Variants in MAK observed in about 807,000 individuals in gnomAD.
MAK encodes serine/threonine-protein kinase MAK.
MAK carries 65 observed loss-of-function variants against 82.6 expected under a neutral mutation model. The ratio of observed to expected loss-of-function variants is 0.79; its 90% confidence interval spans 0.64 to 0.97. The LOEUF (loss-of-function observed/expected upper bound fraction) is 0.97. MAK is among the 50% of genes least tolerant of loss of function. The probability of loss-of-function intolerance (pLI) is 0.00; values close to 1 mark genes in which losing one functional copy is unlikely to be tolerated. For synonymous variants in MAK, 250 were observed against 274.2 expected, an observed-to-expected ratio of 0.91 and a Z score of 0.87; for missense variants, 703 against 780.2, an observed-to-expected ratio of 0.90 and a Z score of 1.18.
At chr6:10,804,715 C>G (rs1776276203) in intron 6 of MAK, among the ~76,000 whole-genome samples, 1 of 152,126 alleles carries the variant, frequency 6.6e-6, no homozygotes, top group Non-Finnish European at 1.5e-5. Context: ...AACACAAAGT[C>G]TGCTAAATGG....
chr6:10,771,374 C>T (rs1275218169), intron 13 of MAK, among the ~76,000 whole-genome samples: 1 of 152,068 alleles, frequency 6.6e-6, no homozygotes, highest in Non-Finnish European at 1.5e-5. Context: ...GCAGAGAGCT[C>T]GGATAGGACC....
intron 2 of MAK, among the ~76,000 whole-genome samples, chr6:10,822,834 A>ATT: frequency 6.6e-6 from 1 of 152,334 alleles, no homozygotes; most frequent in East Asian, 1.9e-4. Context: ...CTTAATAGAT[A>ATT]TTTATTAACT....
At chr6:10,813,895 A>C (rs138691184) in intron 4 of MAK, among the ~76,000 whole-genome samples, 172 bp from the exon 5 acceptor site, 269 of 151,904 alleles carry the variant, frequency 1.8e-3, no homozygotes, top group African/African-American at 6.2e-3. Flanking sequence ...TGAAAATTAG[A>C]TTTTTTTTTG....
chr6:10,795,377 G>A (rs1775450913), intron 9 of MAK, among the ~76,000 whole-genome samples: 1 of 152,136 alleles, frequency 6.6e-6, no homozygotes, highest in Non-Finnish European at 1.5e-5. Flanking sequence ...GGGAGGTGGA[G>A]GTTGCAGTGA....
intron 2 of MAK, among the ~76,000 whole-genome samples, chr6:10,823,369 A>T (rs1483245142): frequency 1.3e-5 from 2 of 152,104 alleles, no homozygotes; most frequent in African/African-American, 4.8e-5. Context: ...CCCCACTCCC[A>T]GCCCCCGACA....
chr6:10,774,345 AAC>A lies in MAK; in HGVS notation c.1597+981_1597+982del, dbSNP rs998225361. Among the ~76,000 whole-genome samples the A allele has an allele frequency of 2.0e-5, 3 of 152,168 alleles. 1 individual carries two copies. Among genetic ancestry groups the A allele is most frequent in the Admixed American group, 6.5e-5 (1 of 15,270 alleles). On this transcript the variant is annotated intron_variant, in intron 12 of 14. Coordinates refer to ENST00000354489, the MANE Select transcript of MAK (RefSeq NM_001242957.3). ...AAACACGAAAATTAAGTTTTTTGCA[AAC>A]ACATCTCTTAATGAGAAAGGTGGGG...
chr6:10,787,137 C>T (rs371794655), intron 10 of MAK, among the ~76,000 whole-genome samples: 16 of 150,270 alleles, frequency 1.1e-4, no homozygotes, highest in African/African-American at 2.7e-4. Context: ...ACCTCCTATT[C>T]ACCACTCCGC....
At chr6:10,823,957 T>C (rs967733338) in intron 2 of MAK, among the ~76,000 whole-genome samples, 6 of 151,534 alleles carry the variant, frequency 4.0e-5, no homozygotes, top group African/African-American at 9.7e-5. Flanking sequence ...AAGCAAAAGA[T>C]TGATAGGATA....
At position 10,776,783 on chromosome 6, in the gene MAK, C is replaced by T. The variant is rs984164883; in HGVS notation, c.1466-1324G>A. 5.3e-5 allele frequency among the ~76,000 whole-genome samples: 8 copies of T among 152,124 alleles called. No homozygotes were observed. Among genetic ancestry groups the T allele is most frequent in the Non-Finnish European group, 7.3e-5 (5 of 68,028 alleles). ...CTTCCCTAATAAAACACCTACAAAT[C>T]GAACTATTATAGGCAACTACCAGCT... is the stretch of plus-strand genomic sequence containing the variant. On this transcript the variant is annotated intron_variant, in intron 11 of 14. Coordinates refer to ENST00000354489, the MANE Select transcript of MAK (RefSeq NM_001242957.3). This position sits in a 1 kb window ranked among gnomAD's most constrained non-coding sequence, Gnocchi z 4.3.
Position 10,803,732 on chromosome 6 carries a change from C to T in MAK, c.651G>A (p.Gly217=), listed in dbSNP as rs1362795681. Residue 217 remains glycine, a synonymous_variant, in exon 7 of 15, where the codon GGG becomes GGA. Transcript: ENST00000354489. ...DEIFKICQVL[G]TPKKSDWPEG... is the part of the protein sequence containing the mutation. ...CAAGAGTACTTACTTTTTTGGGAGT[C>T]CCTAAAACTTGGCAAATTTTAAAGA... 1.9e-6 allele frequency: 3 copies of T among 1,613,634 alleles called. No homozygotes were observed. The highest frequency in any genetic ancestry group is 2.5e-6 in the Non-Finnish European group (3 of 1,179,878).
intron 2 of MAK, among the ~76,000 whole-genome samples, chr6:10,819,256 T>TTAAGA (rs1296760588): frequency 6.6e-6 from 1 of 152,242 alleles, no homozygotes; most frequent in Non-Finnish European, 1.5e-5. Flanking sequence ...TTTTTAGAAC[T>TTAAGA]TAAGAGGCCC....
chr6:10,806,975 T>C (rs537127854), intron 6 of MAK, among the ~76,000 whole-genome samples: 1 of 152,200 alleles, frequency 6.6e-6, no homozygotes, highest in East Asian at 1.9e-4. Flanking sequence ...AGACACGGAC[T>C]CCTTTCTTTC....
chr6:10,831,008 T>C (rs1410787456), intron 1 of MAK, 131 bp from the exon 2 acceptor site: 2 of 318,378 alleles, frequency 6.3e-6, no homozygotes, highest in South Asian at 2.8e-5. Context: ...TGTCAGTAAG[T>C]CATTTGTCTA....
Position 10,773,167 on chromosome 6 carries a change from C to A in MAK, c.1598-59G>T. On this transcript the variant is annotated intron_variant, in intron 12 of 14. Transcript: ENST00000354489. ...AGTAAGGAGAATGTTATAGGAAAAG[C>A]AGAGAAAAAATGGATTAGATGATTA... The A allele has an allele frequency of 7.0e-6, 7 of 994,646 alleles. No homozygotes were observed. In the Admixed American group the frequency reaches 8.1e-5, roughly 12 times the overall value. 61.6% of individuals were successfully genotyped at this position (994,646 alleles called of 1,614,324 possible). A position where few individuals can be genotyped will look rare whatever the true frequency, so the allele number is the denominator to read the frequency against.
chr6:10,789,930 A>G (rs139716986), intron 10 of MAK, among the ~76,000 whole-genome samples: 16 of 152,344 alleles, frequency 1.1e-4, no homozygotes, highest in African/African-American at 3.6e-4. Flanking sequence ...TGCTGGGATT[A>G]CAGGCATTGA....
chr6:10,824,909 T>C (rs1019421501), intron 2 of MAK, among the ~76,000 whole-genome samples: 10 of 152,210 alleles, frequency 6.6e-5, no homozygotes, highest in African/African-American at 2.4e-4. Context: ...GATGATATTG[T>C]TGAAATATCA....
chr6:10,787,890 C>T (rs1351618675), intron 10 of MAK, among the ~76,000 whole-genome samples: 2 of 151,886 alleles, frequency 1.3e-5, no homozygotes, highest in East Asian at 3.9e-4. Flanking sequence ...AAGAAATACC[C>T]ACATGAAAAA....
rs16678 is a variant in MAK, at chr6:10,793,064, TAGA to T, written c.1144-1220_1144-1218del. On this transcript the variant is annotated intron_variant, in intron 9 of 14. Transcript: ENST00000354489. This position sits in a 1 kb window ranked among gnomAD's most constrained non-coding sequence, Gnocchi z 4.6. ...GGCAAATATAATACTTTTAATAAAG[TAGA>T]AGATTTATTTTTGCAAACTCCACAT... Among the ~76,000 whole-genome samples the T allele has an allele frequency of 0.47, 70,742 of 151,748 alleles. 17,601 individuals are homozygous for T. The highest frequency in any genetic ancestry group is 0.55 in the Non-Finnish European group (37,207 of 67,876).
At position 10,803,818 on chromosome 6, in the gene MAK, T is replaced by C. The variant is rs56215624; in HGVS notation, c.565A>G (p.Ile189Val). ...CTTAACATATAGAGTTCAGCCATGA[T>C]ACTTCCAACAGCCCACACATCAATG... Reference protein sequence around the residue: ...SPIDVWAVGSIMAELYMLRPL... With the variant: ...SPIDVWAVGSVMAELYMLRPL... Residue 189 changes from isoleucine (I) to valine (V), a missense_variant, in exon 7 of 15, where the codon ATC becomes GTC. Transcript: ENST00000354489. 44 of 1,613,972 alleles carry C rather than the reference T, an allele frequency of 2.7e-5. 1 individual carries two copies. The East Asian group carries it at 9.6e-4, about 35-fold the overall frequency.
Sources: allele counts gnomAD v4.1 joint callset (sites outside exome capture counted in the v4.1 genomes callset), GRCh38; gene constraint gnomAD v4.1.1; non-coding constraint Gnocchi (gnomAD v3.1); transcripts MANE v1.5; gene names NCBI Gene and HGNC (gene_info 2026-07-23, HGNC 2026-07-21).